Variants in MARVELD3 observed in about 807,000 individuals in gnomAD.
The protein encoded by MARVELD3 is MARVEL domain containing 3.
A neutral mutation model predicts 33.5 loss-of-function variants in MARVELD3; 28 were observed. That is an observed-to-expected ratio of 0.84 (90% CI 0.62 to 1.15). The LOEUF is 1.15. Ranked by LOEUF, MARVELD3 falls within the 50% of genes most tolerant of loss-of-function variation. MARVELD3 has a pLI of 0.00. For missense variants in MARVELD3, 582 were observed against 547.6 expected (o/e 1.06, Z -0.63); for synonymous variants, 241 against 230.4 (o/e 1.05, Z -0.42).
intron 2 of MARVELD3, among the ~76,000 whole-genome samples, chr16:71,632,068 C>T (rs1003916487): frequency 1.3e-5 from 2 of 152,122 alleles, no homozygotes; most frequent in African/African-American, 2.4e-5. Flanking sequence ...AGGACATAAC[C>T]GTATTATTCC....
downstream of MARVELD3, chr16:71,639,186 C>T (rs1433603292): frequency 1.3e-5 from 2 of 148,686 alleles, no homozygotes; most frequent in Non-Finnish European, 3.0e-5. Context: ...ATTCTCATGC[C>T]TCAGCCTTCC....
chr16:71,626,853 G>A lies in MARVELD3; in HGVS notation c.467+157G>A. 1.5e-6 allele frequency: 1 copy of A among 653,010 alleles called. No homozygotes were observed. Among genetic ancestry groups the A allele is most frequent in the Non-Finnish European group, 2.3e-6 (1 of 427,530 alleles). The allele number at this position is 653,010 out of a possible 1,614,324, so 40.5% of individuals were successfully genotyped here. ...CTGCGCTCTCAGAGGCGACCTGGCA[G>A]GGAAGGAAAACTTTAGGGTTCCCCC... is the stretch of plus-strand genomic sequence containing the variant. On this transcript the variant is annotated intron_variant, in intron 1 of 2. Coordinates refer to ENST00000268485, the MANE Select transcript of MARVELD3 (RefSeq NM_052858.6). This position sits in a 1 kb window ranked among gnomAD's most constrained non-coding sequence, Gnocchi z 5.3.
chr16:71,633,772 A>G (rs1461384528), intron 2 of MARVELD3, among the ~76,000 whole-genome samples: 2 of 151,194 alleles, frequency 1.3e-5, no homozygotes, highest in Non-Finnish European at 2.9e-5. Context: ...CCTGGGCTCA[A>G]GCAGCCCTCC....
intron 1 of MARVELD3, among the ~76,000 whole-genome samples, chr16:71,627,132 T>TGGCC: frequency 6.6e-6 from 1 of 152,270 alleles, no homozygotes; most frequent in East Asian, 1.9e-4. Flanking sequence ...CCCTTCCTTG[T>TGGCC]GGCCGGGCCG....
chr16:71,631,788 T>A (rs2044536789), intron 2 of MARVELD3, among the ~76,000 whole-genome samples: 1 of 152,140 alleles, frequency 6.6e-6, no homozygotes, highest in Admixed American at 6.6e-5. Flanking sequence ...TGAGACCCTG[T>A]CTGTAAAAAA....
At chr16:71,628,991 G>A (rs2044501646) in intron 1 of MARVELD3, 1 of 177,326 alleles carries the variant, frequency 5.6e-6, no homozygotes, top group Non-Finnish European at 1.2e-5. Flanking sequence ...ACAAAGGGAG[G>A]AAGAGAATGC....
downstream of MARVELD3, chr16:71,638,639 A>G (rs1453829549): frequency 6.6e-6 from 1 of 152,172 alleles, no homozygotes; most frequent in Non-Finnish European, 1.5e-5. Flanking sequence ...TGAAATATAG[A>G]TTTGCAAGAA....
chr16:71,640,876 C>A (rs776187895), downstream of MARVELD3: 4 of 1,614,218 alleles, frequency 2.5e-6, no homozygotes, highest in South Asian at 4.4e-5. Flanking sequence ...GGAGCAGCAG[C>A]CACCTTTGCT....
At chr16:71,629,813 C>G (rs2044510867) in intron 2 of MARVELD3, 1 of 383,576 alleles carries the variant, frequency 2.6e-6, no homozygotes, top group Admixed American at 4.5e-5. Flanking sequence ...GAGCTGCCAG[C>G]TGTCAGAGGA....
At chr16:71,630,322 T>A (rs12935422) in intron 2 of MARVELD3, among the ~76,000 whole-genome samples, 17,770 of 144,188 alleles carry the variant, frequency 0.12, 1,296 homozygotes, top group Middle Eastern at 0.26. Context: ...ATTAAAAATT[T>A]AAAAAATTTT....
rs370366568 is a variant in MARVELD3, at chr16:71,626,380, C to G, written c.151C>G (p.Arg51Gly). 1.9e-6 allele frequency: 3 copies of G among 1,545,968 alleles called. No homozygotes were observed. The highest frequency in any genetic ancestry group is 1.7e-6 in the Non-Finnish European group (2 of 1,145,040). ...PRRKRSSDGNRRRDGDRDPER... is the reference protein window; with the variant it reads ...PRRKRSSDGNGRRDGDRDPER... ...CAGGAAGCGAAGCAGCGACGGGAACCGGCGAAGGGACGGGGACCGGGACCC... is the reference window on the plus strand; with the variant it reads ...CAGGAAGCGAAGCAGCGACGGGAACGGGCGAAGGGACGGGGACCGGGACCC... Residue 51 changes from arginine (R) to glycine (G), a missense_variant, in exon 1 of 3, where the codon CGG becomes GGG. Coordinates refer to ENST00000268485, the MANE Select transcript of MARVELD3 (RefSeq NM_052858.6). This position sits in a 1 kb window ranked among gnomAD's most constrained non-coding sequence, Gnocchi z 5.3.
chr16:71,640,076 C>G (rs563500004), downstream of MARVELD3, among the ~76,000 whole-genome samples: 1 of 151,904 alleles, frequency 6.6e-6, no homozygotes. Context: ...TGAGACCAGC[C>G]TGGCCAACAT....
In MARVELD3 at chr16:71,626,743, G is replaced by T; in HGVS notation, c.467+47G>T. ...CGACCTCCGCGCCGGGGACACCTGT[G>T]GCCCAGGCCGGCCCGCGAGGCCCTG... is the stretch of plus-strand genomic sequence containing the variant. On this transcript the variant is annotated intron_variant, in intron 1 of 2. Transcript: ENST00000268485. This position sits in a 1 kb window ranked among gnomAD's most constrained non-coding sequence, Gnocchi z 5.3. 7.3e-7 allele frequency: 1 copy of T among 1,366,984 alleles called. No homozygotes were observed. The highest frequency in any genetic ancestry group is 9.4e-7 in the Non-Finnish European group (1 of 1,060,688). The allele number at this position is 1,366,984 out of a possible 1,614,324, so 84.7% of individuals were successfully genotyped here. A position where few individuals can be genotyped will look rare whatever the true frequency, so the allele number is the denominator to read the frequency against.
At chr16:71,639,993 G>A (rs1196816265), downstream of MARVELD3, among the ~76,000 whole-genome samples, 1 of 152,196 alleles carries the variant, frequency 6.6e-6, no homozygotes, top group Admixed American at 6.5e-5. Context: ...TTGAGGCTGG[G>A]TGAGGTGGCT....
chr16:71,640,491 G>C (rs111585833), downstream of MARVELD3: 4 of 1,614,098 alleles, frequency 2.5e-6, no homozygotes, highest in East Asian at 8.9e-5. Context: ...CTTTTCCAGC[G>C]GCGGTGGCTT....
At chr16:71,640,786 C>T, downstream of MARVELD3, 1 of 1,614,240 alleles carries the variant, frequency 6.2e-7, no homozygotes, top group South Asian at 1.1e-5. Context: ...ATCAATAGCA[C>T]CGACACTTGC....
At chr16:71,628,682 C>T (rs1346762020) in intron 1 of MARVELD3, among the ~76,000 whole-genome samples, 1 of 151,978 alleles carries the variant, frequency 6.6e-6, no homozygotes, top group Non-Finnish European at 1.5e-5. Context: ...GGTCTGCGAG[C>T]ATGAGGTTGT....
chr16:71,627,818 C>T (rs974279219), intron 1 of MARVELD3, among the ~76,000 whole-genome samples: 3 of 152,264 alleles, frequency 2.0e-5, no homozygotes, highest in African/African-American at 2.4e-5. Flanking sequence ...GTCCCCACAC[C>T]GCCTCCTAGG....
chr16:71,629,631 TC>T, intron 2 of MARVELD3, 137 bp downstream of exon 2: 1 of 569,170 alleles, frequency 1.8e-6, no homozygotes, highest in Middle Eastern at 2.9e-4. Context: ...CTTGTGAGGT[TC>T]TTGTTTTCTT....
Sources: gnomAD v4.1 joint callset for allele counts (sites outside exome capture counted in the v4.1 genomes callset) on GRCh38, gnomAD v4.1.1 for gene constraint, Gnocchi (gnomAD v3.1) non-coding constraint, MANE v1.5 for transcripts, NCBI Gene and HGNC (gene_info 2026-07-23, HGNC 2026-07-21) for gene names.